The following CAST variants were observed in gnomAD, a reference collection of about 807,000 sequenced individuals.
The protein encoded by CAST is calpastatin.
A neutral mutation model predicts 119.6 loss-of-function variants in CAST; 76 were observed. That is an observed-to-expected ratio of 0.64 (90% CI 0.53 to 0.77). The LOEUF (loss-of-function observed/expected upper bound fraction) is 0.77. Among genes scored for constraint, CAST ranks in the 30% least tolerant of loss-of-function variants. The pLI, the probability that CAST is intolerant of heterozygous loss-of-function variation, is 0.00. For synonymous variants in CAST, 319 were observed against 331.6 expected (o/e 0.96, Z 0.41); for missense variants, 953 against 946.5 (o/e 1.01, Z -0.09).
chr5:96,437,528 G>A, the CAST span, among the ~76,000 whole-genome samples: 65 of 152,288 alleles, frequency 4.3e-4, no homozygotes, highest in African/African-American at 1.5e-3. Context: ...CATAACTGCT[G>A]TCTCTGCTCC....
chr5:96,444,930 C>T, the CAST span, among the ~76,000 whole-genome samples: 2 of 152,184 alleles, frequency 1.3e-5, no homozygotes, highest in African/African-American at 4.8e-5. Context: ...TAAATGGGAA[C>T]TGGCAACTGT....
the CAST span, among the ~76,000 whole-genome samples, chr5:96,029,654 C>T: frequency 1.3e-5 from 2 of 151,578 alleles, no homozygotes; most frequent in East Asian, 1.9e-4. Context: ...TTTTTCCAAA[C>T]GTTAAAAATG....
the CAST span, among the ~76,000 whole-genome samples, chr5:96,438,417 T>C: frequency 6.6e-6 from 1 of 152,178 alleles, no homozygotes; most frequent in Non-Finnish European, 1.5e-5. Flanking sequence ...TCTATTAGTA[T>C]ATCTTCTTTT....
chr5:96,374,971 T>G, the CAST span, among the ~76,000 whole-genome samples: 2 of 152,190 alleles, frequency 1.3e-5, no homozygotes, highest in Admixed American at 1.3e-4. Context: ...TTCCTGTATT[T>G]CTAGCTGTTT....
the CAST span, among the ~76,000 whole-genome samples, chr5:96,469,748 A>C: frequency 9.9e-5 from 15 of 151,266 alleles, no homozygotes; most frequent in African/African-American, 3.6e-4. Flanking sequence ...TGGTCTTTTG[A>C]AAAGTATCTC....
the CAST span, among the ~76,000 whole-genome samples, chr5:96,335,305 T>G: frequency 6.6e-6 from 1 of 152,234 alleles, no homozygotes; most frequent in Non-Finnish European, 1.5e-5. Flanking sequence ...CTGCTTTTGG[T>G]AAGGCCACCC....
At chr5:96,451,694 G>C in the CAST span, among the ~76,000 whole-genome samples, 1 of 152,188 alleles carries the variant, frequency 6.6e-6, no homozygotes, top group Non-Finnish European at 1.5e-5. Context: ...ACTATCATCA[G>C]AGTGAACAGG....
At chr5:96,389,483 G>A in the CAST span, among the ~76,000 whole-genome samples, 1 of 152,184 alleles carries the variant, frequency 6.6e-6, no homozygotes, top group African/African-American at 2.4e-5. Flanking sequence ...GATCATTCTA[G>A]TTTTACTGAA....
chr5:96,428,204 T>A, the CAST span, among the ~76,000 whole-genome samples: 1 of 152,194 alleles, frequency 6.6e-6, no homozygotes, highest in Non-Finnish European at 1.5e-5. Context: ...ACAGTCCTCA[T>A]GAATTTCGTC....
chr5:96,466,186 C>T, the CAST span, among the ~76,000 whole-genome samples: 11 of 152,006 alleles, frequency 7.2e-5, no homozygotes, highest in Admixed American at 4.6e-4. Flanking sequence ...TTGTCCTTAG[C>T]CTTAGAGTTA....
chr5:96,128,640 A>C, the CAST span, among the ~76,000 whole-genome samples: 1 of 152,114 alleles, frequency 6.6e-6, no homozygotes, highest in African/African-American at 2.4e-5. Context: ...AAACGACTTC[A>C]GTAGTTGTTT....
At chr5:96,099,956 C>G in the CAST span, among the ~76,000 whole-genome samples, 1 of 152,150 alleles carries the variant, frequency 6.6e-6, no homozygotes, top group Non-Finnish European at 1.5e-5. Flanking sequence ...CCCTTCTGGT[C>G]CTGGCCTGTT....
At chr5:96,065,443 A>G in the CAST span, among the ~76,000 whole-genome samples, 4 of 151,666 alleles carry the variant, frequency 2.6e-5, no homozygotes, top group Non-Finnish European at 4.4e-5. Context: ...ATTTATATGT[A>G]TATATGTAGA....
the CAST span, among the ~76,000 whole-genome samples, chr5:96,442,713 C>T: frequency 2.6e-5 from 4 of 152,214 alleles, no homozygotes; most frequent in African/African-American, 4.8e-5. Flanking sequence ...CAGGAATCTA[C>T]AAACTTCTAC....
the CAST span, among the ~76,000 whole-genome samples, chr5:96,369,837 ATC>A: frequency 8.6e-5 from 13 of 151,948 alleles, no homozygotes; most frequent in African/African-American, 3.1e-4. Context: ...CTATATTTTC[ATC>A]TCTTAGTCTA....
At chr5:96,207,620 A>G in the CAST span, among the ~76,000 whole-genome samples, 1 of 151,958 alleles carries the variant, frequency 6.6e-6, no homozygotes, top group East Asian at 1.9e-4. Context: ...TGTATGTTGC[A>G]CCAACCTTGC....
the CAST span, among the ~76,000 whole-genome samples, chr5:96,291,843 CGTGTGTGTGTGTGTGTGT>C: frequency 1.5e-5 from 2 of 132,968 alleles, no homozygotes; most frequent in Non-Finnish European, 3.2e-5. Flanking sequence ...TCCCAGTCTG[CGTGTGTGTGTGTGTGTGT>C]GTGTGTGTGT....
intron 3 of CAST, among the ~76,000 whole-genome samples, chr5:96,708,215 T>C (rs2150346186): frequency 6.6e-6 from 1 of 152,326 alleles, no homozygotes; most frequent in East Asian, 1.9e-4. Context: ...AAAAGTTGTG[T>C]CAGGTTTAGA....
At chr5:96,310,556 C>A in the CAST span, among the ~76,000 whole-genome samples, 2 of 119,254 alleles carry the variant, frequency 1.7e-5, no homozygotes, top group Non-Finnish European at 3.8e-5. Context: ...GCAATCAGGT[C>A]TTAGGCTTTT....
Sources: gnomAD v4.1 joint callset for allele counts (sites outside exome capture counted in the v4.1 genomes callset) on GRCh38, gnomAD v4.1.1 for gene constraint, MANE v1.5 for transcripts, NCBI Gene and HGNC (gene_info 2026-07-23, HGNC 2026-07-21) for gene names.